GPR15LG: variants seen among roughly 807,000 people sequenced by gnomAD.
GPR15LG encodes G protein-coupled receptor 15 ligand, also known as protein GPR15LG.
At chr10:84,183,279 C>T in the GPR15LG span, among the ~76,000 whole-genome samples, 1 of 152,124 alleles carries the variant, frequency 6.6e-6, no homozygotes, top group South Asian at 2.1e-4. Context: ...TGTTGAAGGT[C>T]CCACAGCTAC....
the GPR15LG span, among the ~76,000 whole-genome samples, chr10:84,175,259 A>G: frequency 2.2e-4 from 33 of 152,308 alleles, no homozygotes; most frequent in African/African-American, 7.9e-4. Context: ...TTCCTCATAA[A>G]CACAGCCCGT....
the GPR15LG span, among the ~76,000 whole-genome samples, chr10:84,180,306 ATC>A: frequency 2.6e-5 from 4 of 152,328 alleles, no homozygotes; most frequent in Non-Finnish European, 2.9e-5. Context: ...TAACAATCTG[ATC>A]TCTCTTTCTT....
At chr10:84,180,261 G>T in the GPR15LG span, among the ~76,000 whole-genome samples, 1 of 152,268 alleles carries the variant, frequency 6.6e-6, no homozygotes, top group Non-Finnish European at 1.5e-5. Context: ...ACAAAATGGA[G>T]TCTCCTATGT....
At chr10:84,174,033 C>G in the GPR15LG span, 1 of 827,462 alleles carries the variant, frequency 1.2e-6, no homozygotes, top group Non-Finnish European at 2.1e-6. Context: ...GGCAGGCAGT[C>G]CTGAGCCCCG....
the GPR15LG span, among the ~76,000 whole-genome samples, chr10:84,180,268 A>G: frequency 1.3e-5 from 2 of 152,228 alleles, no homozygotes; most frequent in African/African-American, 4.8e-5. Context: ...GGAGTCTCCT[A>G]TGTCTACTTC....
chr10:84,173,863 A>C, the GPR15LG span: 2 of 1,613,136 alleles, frequency 1.2e-6, no homozygotes, highest in Non-Finnish European at 1.7e-6. Context: ...TGAGGCTTCT[A>C]GTCCTTTCCA....
At chr10:84,184,889 C>G in the GPR15LG span, 2 of 1,508,746 alleles carry the variant, frequency 1.3e-6, no homozygotes, top group Admixed American at 5.1e-5. Flanking sequence ...AGGGCTTCAT[C>G]TCGGGCTGCA....
chr10:84,177,315 C>G, the GPR15LG span, among the ~76,000 whole-genome samples: 1 of 152,320 alleles, frequency 6.6e-6, no homozygotes, highest in South Asian at 2.1e-4. Flanking sequence ...AGTTGCCCAG[C>G]CCAGGTGGAA....
chr10:84,179,664 GAC>G, the GPR15LG span, among the ~76,000 whole-genome samples: 10 of 152,288 alleles, frequency 6.6e-5, no homozygotes, highest in African/African-American at 2.2e-4. Context: ...CACCAGCTAT[GAC>G]ACACACTTGC....
At chr10:84,178,809 T>A in the GPR15LG span, among the ~76,000 whole-genome samples, 4 of 152,368 alleles carry the variant, frequency 2.6e-5, no homozygotes, top group African/African-American at 9.6e-5. Flanking sequence ...TGTATATTTT[T>A]AAAATTCCAT....
At chr10:84,174,495 T>C in the GPR15LG span, among the ~76,000 whole-genome samples, 1 of 95,660 alleles carries the variant, frequency 1.0e-5, no homozygotes, top group Non-Finnish European at 2.2e-5. Flanking sequence ...TTCTTTTTTC[T>C]TTTTTTTTTT....
the GPR15LG span, among the ~76,000 whole-genome samples, chr10:84,174,175 A>G: frequency 6.6e-6 from 1 of 152,248 alleles, no homozygotes; most frequent in Non-Finnish European, 1.5e-5. Context: ...TGTGTTCGCC[A>G]TGCAAACACA....
chr10:84,184,159 GAA>G, the GPR15LG span, among the ~76,000 whole-genome samples: 39,956 of 138,246 alleles, frequency 0.29, 5,757 homozygotes, highest in African/African-American at 0.38. Flanking sequence ...CATCTTTCTT[GAA>G]AAAAAAAAAA....
At chr10:84,176,451 A>G in the GPR15LG span, 1 of 1,528,258 alleles carries the variant, frequency 6.5e-7, no homozygotes, top group Non-Finnish European at 9.1e-7. Flanking sequence ...CACTAAAGAC[A>G]GTCTCTCTTC....
At chr10:84,182,739 A>T in the GPR15LG span, among the ~76,000 whole-genome samples, 1 of 151,980 alleles carries the variant, frequency 6.6e-6, no homozygotes. Context: ...AGGCAAATAG[A>T]CTCCCTATCA....
the GPR15LG span, chr10:84,173,804 T>A: frequency 7.3e-7 from 1 of 1,367,322 alleles, no homozygotes; most frequent in Non-Finnish European, 1.0e-6. Context: ...AGGGAGGACT[T>A]CTGCAGCACA....
At chr10:84,184,530 A>C in the GPR15LG span, 11 of 804,242 alleles carry the variant, frequency 1.4e-5, no homozygotes, top group Non-Finnish European at 2.2e-5. Context: ...TCCAGGGAAA[A>C]GCATAAGATC....
At chr10:84,174,449 T>C in the GPR15LG span, among the ~76,000 whole-genome samples, 1 of 151,582 alleles carries the variant, frequency 6.6e-6, no homozygotes, top group South Asian at 2.1e-4. Flanking sequence ...TCTTTTTACC[T>C]CTATAGATAT....
chr10:84,185,185 C>A, the GPR15LG span: 4 of 614,568 alleles, frequency 6.5e-6, no homozygotes, highest in Non-Finnish European at 8.4e-6. Flanking sequence ...TAACTACCAG[C>A]ATCCAGTGGT....
Sources: allele counts gnomAD v4.1 joint callset (sites outside exome capture counted in the v4.1 genomes callset), GRCh38; gene constraint gnomAD v4.1.1; transcripts MANE v1.5; gene names NCBI Gene and HGNC (gene_info 2026-07-23, HGNC 2026-07-21).